ANK2: variants seen among roughly 807,000 people sequenced by gnomAD.
ANK2 encodes ankyrin 2.
ANK2 carries 83 observed loss-of-function variants against 360.5 expected under a neutral mutation model. The observed-to-expected ratio is 0.23, with a 90% CI of 0.19 to 0.28. The LOEUF (loss-of-function observed/expected upper bound fraction) is 0.28, where lower values mean the gene tolerates loss of function less well. ANK2 is among the 10% of genes least tolerant of loss of function. ANK2 has a pLI of 1.00. For synonymous variants in ANK2, 1,740 were observed against 1,759.5 expected, an observed-to-expected ratio of 0.99 and a Z score of 0.28; for missense variants, 4,201 against 4,795.7, an observed-to-expected ratio of 0.88 and a Z score of 3.66.
At chr4:113,348,358 C>G in intron 36 of ANK2, 50 bp downstream of exon 36, 1 of 1,580,670 alleles carries the variant, frequency 6.3e-7, no homozygotes, top group Non-Finnish European at 8.7e-7. Flanking sequence ...TTGCTGTAAC[C>G]ACTAATAAGA....
At chr4:113,043,443 A>T (rs929780282) in intron 2 of ANK2, among the ~76,000 whole-genome samples, 49 of 139,780 alleles carry the variant, frequency 3.5e-4, no homozygotes, top group African/African-American at 1.2e-3. Context: ...CAGGGGCTTT[A>T]AAAAAAAAAA....
At chr4:112,892,340 C>T (rs534889034) in intron 1 of ANK2, among the ~76,000 whole-genome samples, 2 of 152,172 alleles carry the variant, frequency 1.3e-5, no homozygotes, top group African/African-American at 2.4e-5. Flanking sequence ...TTGGGTAAGT[C>T]CCCTGGGCAA....
In ANK2 at chr4:113,156,371, C is replaced by CTT. The variant is rs150536846; in HGVS notation, c.85-18036_85-18035dup. On this transcript the variant is annotated intron_variant, in intron 1 of 45. Transcript: ENST00000357077. ...CGTATAGAGTATATGTAGAAAAATT[C>CTT]TTTTTTTTTTGTTTTTGAGACAGAG... 6.6e-4 allele frequency among the ~76,000 whole-genome samples: 85 copies of CTT among 128,476 alleles called. 1 individual carries two copies. Among genetic ancestry groups the CTT allele is most frequent in the Non-Finnish European group, 1.2e-3 (75 of 61,494 alleles). The allele number at this position is 128,476 out of a possible 152,430, so 84.3% of individuals were successfully genotyped here. A position where few individuals can be genotyped will look rare whatever the true frequency, so the allele number is the denominator to read the frequency against.
At chr4:112,898,361 C>CT (rs2082318743) in intron 1 of ANK2, among the ~76,000 whole-genome samples, 1 of 152,038 alleles carries the variant, frequency 6.6e-6, no homozygotes, top group African/African-American at 2.4e-5. Context: ...CATGGGCTTT[C>CT]TTTGTTTTTT....
chr4:113,336,274 A>G, intron 30 of ANK2: 1 of 567,038 alleles, frequency 1.8e-6, no homozygotes, highest in Non-Finnish European at 3.0e-6. Context: ...ATCTCCAGCT[A>G]CAAATGTTTT....
chr4:112,996,418 C>T (rs1446132846), intron 2 of ANK2, among the ~76,000 whole-genome samples: 1 of 152,034 alleles, frequency 6.6e-6, no homozygotes, highest in Non-Finnish European at 1.5e-5. Flanking sequence ...TTTAATTATA[C>T]TCTAATAAAA....
In ANK2 at chr4:113,292,747, C is replaced by T. The variant is rs142987046; in HGVS notation, c.2376+233C>T. On this transcript the variant is annotated intron_variant, in intron 21 of 45. Coordinates refer to ENST00000357077, the MANE Select transcript of ANK2 (RefSeq NM_001148.6). ...CTGACTCTTTGGCTCTCTCTGGAGA[C>T]GGGGGCCCTCCGCTTGGGCTGCTGG... Among the ~76,000 whole-genome samples, 75 of 152,214 alleles carry T rather than the reference C, an allele frequency of 4.9e-4. No homozygotes were observed. In the East Asian group the frequency reaches 0.012, roughly 24 times the overall value.
At position 113,076,616 on chromosome 4, in the gene ANK2, C is replaced by T. The variant is rs538154134; in HGVS notation, c.84+26804C>T. ...TTCAAGACCAGCCTGGGAAGCATAACGAAACCCTGTCTCTGTAAAAAATAC... is the reference window on the plus strand; with the variant it reads ...TTCAAGACCAGCCTGGGAAGCATAATGAAACCCTGTCTCTGTAAAAAATAC... On this transcript the variant is annotated intron_variant, in intron 1 of 45. Transcript: ENST00000357077. Among the ~76,000 whole-genome samples the T allele has an allele frequency of 5.3e-5, 8 of 152,006 alleles. No individual in the cohort carries two copies. The South Asian group carries it at 1.2e-3, about 24-fold the overall frequency.
chr4:112,732,085 T>G, the ANK2 span, among the ~76,000 whole-genome samples: 2 of 152,168 alleles, frequency 1.3e-5, no homozygotes, highest in African/African-American at 4.8e-5. Context: ...GGTAGGAAAT[T>G]GGTAAGTGCT....
intron 1 of ANK2, chr4:113,151,185 AATT>A: frequency 8.2e-7 from 1 of 1,218,606 alleles, no homozygotes; most frequent in South Asian, 1.3e-5. Flanking sequence ...AAGAAGTTTT[AATT>A]ATAACCTTCT....
chr4:112,790,687 C>G, the ANK2 span, among the ~76,000 whole-genome samples: 1 of 152,040 alleles, frequency 6.6e-6, no homozygotes, highest in Non-Finnish European at 1.5e-5. Flanking sequence ...AGTGTTTTAC[C>G]ATATTGACCA....
At chr4:112,977,768 T>G (rs1027124323) in intron 2 of ANK2, among the ~76,000 whole-genome samples, 2 of 152,068 alleles carry the variant, frequency 1.3e-5, no homozygotes, top group Non-Finnish European at 2.9e-5. Context: ...TATGTGATGT[T>G]CCCCTCTCTG....
At chr4:112,960,747 C>T (rs1016054509) in intron 2 of ANK2, among the ~76,000 whole-genome samples, 4 of 152,030 alleles carry the variant, frequency 2.6e-5, no homozygotes, top group Non-Finnish European at 4.4e-5. Flanking sequence ...TCAACTACAG[C>T]GTTTTCATAG....
intron 34 of ANK2, among the ~76,000 whole-genome samples, chr4:113,345,670 C>T (rs919425500): frequency 6.6e-6 from 1 of 151,984 alleles, no homozygotes; most frequent in Non-Finnish European, 1.5e-5. Flanking sequence ...CATTGTACAC[C>T]TTAAATATAT....
intron 1 of ANK2, among the ~76,000 whole-genome samples, chr4:113,081,841 C>A (rs562170077): frequency 6.9e-6 from 1 of 145,182 alleles, no homozygotes; most frequent in Admixed American, 7.0e-5. Flanking sequence ...TGGAGTTTTG[C>A]GCTTGTCAAC....
At chr4:113,368,646 G>A (rs1028160787) in intron 42 of ANK2, among the ~76,000 whole-genome samples, 3 of 152,192 alleles carry the variant, frequency 2.0e-5, no homozygotes, top group Non-Finnish European at 4.4e-5. Flanking sequence ...TCTGAGAATA[G>A]GGTGTCATGA....
rs1421250186 is a variant in ANK2 at position 113,199,107 on chromosome 4, C to A, written c.382C>A (p.Gln128Lys). The A allele has an allele frequency of 6.2e-7, 1 of 1,604,798 alleles. No individual in the cohort carries two copies. Residue 128 changes from glutamine to lysine, a missense_variant and splice_region_variant, in exon 4 of 46, where the codon CAG (glutamine) becomes AAG (lysine). Around this residue, in one of 4 missense-constraint regions of ANK2, gnomAD observed 169 missense variants for 191.1 expected, o/e 0.88. Transcript: ENST00000357077. The part of the protein sequence containing the change: ...KEGANINAQS[Q>K]NGFTPLYMAA... Reference sequence around the variant, plus strand: ...AGGAGCCAATATTAATGCACAGTCTCAGGTATTCCATTCAGATTTTCCCTG... The same window carrying A: ...AGGAGCCAATATTAATGCACAGTCTAAGGTATTCCATTCAGATTTTCCCTG...
chr4:112,746,431 A>T, the ANK2 span, among the ~76,000 whole-genome samples: 80 of 151,496 alleles, frequency 5.3e-4, no homozygotes, highest in South Asian at 0.013. Context: ...TCGCTTGAAC[A>T]CGGGAGGTGG....
chr4:113,086,870 G>C (rs1047506457), intron 1 of ANK2, among the ~76,000 whole-genome samples: 1 of 152,116 alleles, frequency 6.6e-6, no homozygotes, highest in African/African-American at 2.4e-5. Context: ...GCTGGAGGAG[G>C]AGTAAGGGAC....
Sources: allele counts gnomAD v4.1 joint callset (sites outside exome capture counted in the v4.1 genomes callset), GRCh38; gene constraint gnomAD v4.1.1; regional missense constraint gnomAD v4.1.1; transcripts MANE v1.5; gene names NCBI Gene and HGNC (gene_info 2026-07-23, HGNC 2026-07-21).